The following CELF5 variants were observed in gnomAD, a reference collection of about 807,000 sequenced individuals.
CELF5 encodes the protein CUG-BP and ETR-3 like factor 5.
Under a neutral mutation model 54.9 loss-of-function variants are expected in CELF5, and 6 were observed. The observed-to-expected ratio is 0.11, with a 90% confidence interval of 0.06 to 0.22. The LOEUF (loss-of-function observed/expected upper bound fraction) is 0.22, where lower values mean the gene tolerates loss of function less well. Among genes scored for constraint, CELF5 ranks in the 10% least tolerant of loss-of-function variants. CELF5 has a pLI of 1.00. For synonymous variants in CELF5, 271 were observed against 290.9 expected (o/e 0.93, Z 0.70); for missense variants, 401 against 678.6 (o/e 0.59, Z 4.54).
chr19:3,251,407 G>A (rs562318418), intron 2 of CELF5, among the ~76,000 whole-genome samples: 3 of 152,042 alleles, frequency 2.0e-5, no homozygotes, highest in Admixed American at 6.6e-5. Flanking sequence ...GCCAAGGCCC[G>A]GGGGAGGACC....
rs2080088709 is a variant in CELF5 at position 3,278,230 on chromosome 19, G to A, written c.603+120G>A. 1 of 735,556 alleles carries A rather than the reference G, an allele frequency of 1.4e-6. No homozygotes were observed. The highest frequency in any genetic ancestry group is 2.7e-5 in the East Asian group (1 of 36,868). The allele number at this position is 735,556 out of a possible 1,614,324, so 45.6% of individuals were successfully genotyped here. On this transcript the variant is annotated intron_variant, in intron 5 of 12. Coordinates refer to ENST00000292672, the MANE Select transcript of CELF5 (RefSeq NM_021938.4). This position sits in a 1 kb window ranked among gnomAD's most constrained non-coding sequence, Gnocchi z 4.5. ...TCCGGTAGCCCCTGGCTGTCCTTCAGAGGGGGCACAGGTGGAGAAAGAGGC... is the reference window on the plus strand; with the variant it reads ...TCCGGTAGCCCCTGGCTGTCCTTCAAAGGGGGCACAGGTGGAGAAAGAGGC...
At chr19:3,276,364 C>A (rs1351817603) in intron 4 of CELF5, among the ~76,000 whole-genome samples, 1 of 146,966 alleles carries the variant, frequency 6.8e-6, no homozygotes, top group African/African-American at 2.6e-5. Context: ...TGGAGAGGCC[C>A]GAGGCTTCTC....
chr19:3,278,194 C>G lies in CELF5; in HGVS notation c.603+84C>G. ...GGGATGAAACAGGCCATATTCCTAC[C>G]GTCGCTGTCATCCGGTAGCCCCTGG... On this transcript the variant is annotated intron_variant, in intron 5 of 12. Coordinates refer to ENST00000292672, the MANE Select transcript of CELF5 (RefSeq NM_021938.4). The surrounding 1 kb of genome is among the most constrained non-coding windows in gnomAD (Gnocchi z 4.5). The G allele has an allele frequency of 1.0e-6, 1 of 975,376 alleles. No homozygotes were observed. Among genetic ancestry groups the G allele is most frequent in the Non-Finnish European group, 1.5e-6 (1 of 646,022 alleles). 60.4% of individuals were successfully genotyped at this position (975,376 alleles called of 1,614,324 possible). A position where few individuals can be genotyped will look rare whatever the true frequency, so the allele number is the denominator to read the frequency against.
chr19:3,272,850 A>G (rs1337349187), intron 2 of CELF5, among the ~76,000 whole-genome samples: 2 of 152,218 alleles, frequency 1.3e-5, no homozygotes, highest in Admixed American at 6.5e-5. Flanking sequence ...TCCCAGGACC[A>G]GTGGAGATGC....
intron 11 of CELF5, among the ~76,000 whole-genome samples, chr19:3,290,586 C>T (rs2080328307): frequency 7.3e-6 from 1 of 137,212 alleles, no homozygotes. Context: ...TTTTTTGAGA[C>T]AGAGTCTCGC....
chr19:3,236,809 C>T (rs1289240039), intron 1 of CELF5, among the ~76,000 whole-genome samples: 1 of 151,164 alleles, frequency 6.6e-6, no homozygotes, highest in Non-Finnish European at 1.5e-5. Context: ...CATGGTGAAA[C>T]CCCATCTCTA....
At chr19:3,288,806 C>G (rs769973120) in intron 10 of CELF5, among the ~76,000 whole-genome samples, 3 of 152,074 alleles carry the variant, frequency 2.0e-5, no homozygotes, top group Non-Finnish European at 4.4e-5. Context: ...TATGATTGTG[C>G]CACTGCAATC....
At position 3,253,309 on chromosome 19, in the gene CELF5, GT is replaced by G. The variant is rs555744273; in HGVS notation, c.342+2243del. Among the ~76,000 whole-genome samples the G allele has an allele frequency of 3.1e-3, 465 of 152,272 alleles. 2 individuals are homozygous for G. The highest frequency in any genetic ancestry group is 0.011 in the African/African-American group (448 of 41,560). ...ACTTGTTATTTCACAGCTACCAGGG[GT>G]CAGGAATTTGGGACTGAGTTTGCTG... is the stretch of plus-strand genomic sequence containing the variant. On this transcript the variant is annotated intron_variant, in intron 2 of 12. Transcript: ENST00000292672.
intron 11 of CELF5, among the ~76,000 whole-genome samples, chr19:3,291,659 C>T (rs1292422427): frequency 6.7e-6 from 1 of 149,906 alleles, no homozygotes; most frequent in Non-Finnish European, 1.5e-5. Context: ...GCAGAGGGAA[C>T]AGCCCATGCA....
At chr19:3,235,841 A>G (rs1236918909) in intron 1 of CELF5, among the ~76,000 whole-genome samples, 6 of 141,478 alleles carry the variant, frequency 4.2e-5, no homozygotes, top group Admixed American at 2.2e-4. Context: ...TGGATGGATG[A>G]ATGAATGGAT....
intron 4 of CELF5, among the ~76,000 whole-genome samples, chr19:3,276,993 C>G (rs541096918): frequency 5.5e-4 from 84 of 152,240 alleles, no homozygotes; most frequent in African/African-American, 1.7e-3. Context: ...TGTGATTTGT[C>G]CATATGACTG....
intron 2 of CELF5, among the ~76,000 whole-genome samples, chr19:3,252,946 A>G (rs191868489): frequency 5.1e-4 from 78 of 152,136 alleles, no homozygotes; most frequent in African/African-American, 1.9e-3. Context: ...CATTTGAGAA[A>G]AAACCTGAAA....
intron 4 of CELF5, 44 bp from the exon 5 acceptor site, chr19:3,277,987 T>C (rs1388953274): frequency 6.5e-7 from 1 of 1,541,548 alleles, no homozygotes; most frequent in Admixed American, 1.7e-5. Context: ...CAGCCAGTCC[T>C]GTGACCCCAT....
At chr19:3,266,688 C>A (rs1422102396) in intron 2 of CELF5, among the ~76,000 whole-genome samples, 1 of 152,222 alleles carries the variant, frequency 6.6e-6, no homozygotes. Flanking sequence ...TGGCTAACAC[C>A]CACCTGCTTG....
intron 3 of CELF5, among the ~76,000 whole-genome samples, 181 bp downstream of exon 3, chr19:3,274,104 G>C (rs1402099143): frequency 6.6e-6 from 1 of 152,188 alleles, no homozygotes; most frequent in Non-Finnish European, 1.5e-5. Context: ...TTTTGGTGGG[G>C]GGAGAAGCAG....
At chr19:3,286,090 G>A (rs1381867468) in intron 10 of CELF5, 65 bp downstream of exon 10, 2 of 1,366,092 alleles carry the variant, frequency 1.5e-6, no homozygotes, top group South Asian at 2.9e-5. Flanking sequence ...CCACCTGCAG[G>A]CTCCGTGTCT....
rs2080033615 is a variant in CELF5 at position 3,275,518 on chromosome 19, C to T, written c.395-338C>T. ...TCCTAGCCCTAGTACTCGGTGCGGG[C>T]TCTCTGAGTGCACCAGAGGGAAAGG... On this transcript the variant is annotated intron_variant, in intron 3 of 12. Coordinates refer to ENST00000292672, the MANE Select transcript of CELF5 (RefSeq NM_021938.4). This position sits in a 1 kb window ranked among gnomAD's most constrained non-coding sequence, Gnocchi z 6.7. Among the ~76,000 whole-genome samples, 1 of 152,234 alleles carries T rather than the reference C, an allele frequency of 6.6e-6. No individual in the cohort carries two copies. Among genetic ancestry groups the T allele is most frequent in the African/African-American group, 2.4e-5 (1 of 41,460 alleles).
chr19:3,237,339 A>T (rs1917661932), intron 1 of CELF5, among the ~76,000 whole-genome samples: 1 of 149,292 alleles, frequency 6.7e-6, no homozygotes, highest in African/African-American at 2.5e-5. Context: ...AAAAAAAAGG[A>T]AAGTAATAAA....
chr19:3,281,294 G>A lies in CELF5; in HGVS notation c.699G>A (p.Leu233=), dbSNP rs1218693218. 2.5e-6 allele frequency: 4 copies of A among 1,611,622 alleles called. No homozygotes were observed. In the South Asian group the frequency reaches 3.3e-5, roughly 13 times the overall value. Residue 233 remains leucine (L), a synonymous_variant, in exon 6 of 13, where the codon CTG becomes CTA. Coordinates refer to ENST00000292672, the MANE Select transcript of CELF5 (RefSeq NM_021938.4). This position sits in a 1 kb window ranked among gnomAD's most constrained non-coding sequence, Gnocchi z 6.5. ...MQQMVGQLGI[L]TPSLTLPFSP... is the part of the protein sequence containing the mutation. The stretch of plus-strand genomic sequence containing the variant: ...AGATGGTGGGCCAGCTGGGCATCCT[G>A]ACGCCGTCCCTCACATTGCCCTTCA...
Sources: gnomAD v4.1 joint callset for allele counts (sites outside exome capture counted in the v4.1 genomes callset) on GRCh38, gnomAD v4.1.1 for gene constraint, Gnocchi (gnomAD v3.1) non-coding constraint, MANE v1.5 for transcripts, NCBI Gene and HGNC (gene_info 2026-07-23, HGNC 2026-07-21) for gene names.